Variants in FBXL17 observed in about 807,000 individuals in gnomAD.
FBXL17 encodes F-box/LRR-repeat protein 17.
FBXL17 carries 22 observed loss-of-function variants against 66.2 expected under a neutral mutation model. The observed-to-expected ratio is 0.33, with a 90% CI of 0.24 to 0.47. The LOEUF is 0.47. FBXL17 is among the 20% of genes least tolerant of loss of function. The pLI is 1.00. For missense variants in FBXL17, 878 were observed against 948.2 expected, an observed-to-expected ratio of 0.93 and a Z score of 0.97; for synonymous variants, 474 against 400.5, an observed-to-expected ratio of 1.18 and a Z score of -2.19.
chr5:108,250,308 T>C (rs1756291008), intron 4 of FBXL17, among the ~76,000 whole-genome samples: 2 of 152,144 alleles, frequency 1.3e-5, no homozygotes, highest in South Asian at 2.1e-4. Context: ...CAGAAAATCA[T>C]TCAGAAGACC....
chr5:108,273,797 GA>G (rs1757374165), intron 4 of FBXL17, among the ~76,000 whole-genome samples: 1 of 151,952 alleles, frequency 6.6e-6, no homozygotes, highest in Admixed American at 6.6e-5. Context: ...AGAGTATAAT[GA>G]ATTAAATAGA....
chr5:108,183,730 A>T (rs530435918), intron 6 of FBXL17, among the ~76,000 whole-genome samples: 12 of 152,148 alleles, frequency 7.9e-5, no homozygotes, highest in African/African-American at 2.9e-4. Context: ...GAGCCTCCTC[A>T]CTTGGAGTTC....
At position 108,214,461 on chromosome 5, in the gene FBXL17, G is replaced by T. The variant is rs1008488484; in HGVS notation, c.1614+9660C>A. 2.0e-5 allele frequency among the ~76,000 whole-genome samples: 3 copies of T among 150,454 alleles called. No individual in the cohort carries two copies. In the Admixed American group the frequency reaches 2.0e-4, roughly 10 times the overall value. ...TGGCTCACTGCAACCTCCACCTCCC[G>T]GGTTCAAGAGATTCTCCTGCCTCAG... On this transcript the variant is annotated intron_variant, in intron 5 of 8. Transcript: ENST00000542267.
intron 6 of FBXL17, among the ~76,000 whole-genome samples, chr5:108,183,773 C>T (rs954093110): frequency 5.3e-5 from 8 of 152,046 alleles, no homozygotes; most frequent in Non-Finnish European, 8.8e-5. Context: ...TATGCCATTG[C>T]GCACCAGTAG....
At chr5:107,902,412 A>T (rs183954928) in intron 7 of FBXL17, among the ~76,000 whole-genome samples, 1 of 152,196 alleles carries the variant, frequency 6.6e-6, no homozygotes, top group African/African-American at 2.4e-5. Flanking sequence ...TTTTTAAAGA[A>T]ATATTTATTA....
At chr5:108,260,473 T>G (rs984853770) in intron 4 of FBXL17, among the ~76,000 whole-genome samples, 7 of 152,046 alleles carry the variant, frequency 4.6e-5, no homozygotes, top group African/African-American at 1.7e-4. Context: ...TACAACTATC[T>G]AAACATGTAA....
At chr5:108,020,827 G>T in intron 7 of FBXL17, 98 bp downstream of exon 7, 1 of 837,066 alleles carries the variant, frequency 1.2e-6, no homozygotes, top group Non-Finnish European at 2.0e-6. Flanking sequence ...ACGATAGACA[G>T]TCTCTATGAT....
At chr5:108,218,502 A>G (rs1014257668) in intron 5 of FBXL17, among the ~76,000 whole-genome samples, 5 of 152,112 alleles carry the variant, frequency 3.3e-5, no homozygotes, top group African/African-American at 7.2e-5. Flanking sequence ...AGTCACTTCC[A>G]TACTGTGTTC....
At chr5:107,887,984 A>G (rs1749030453) in intron 7 of FBXL17, among the ~76,000 whole-genome samples, 1 of 152,150 alleles carries the variant, frequency 6.6e-6, no homozygotes, top group Admixed American at 6.5e-5. Context: ...GGTCTCTCAA[A>G]CGGTAGTTAC....
chr5:108,156,767 A>G (rs1434535664), intron 6 of FBXL17, among the ~76,000 whole-genome samples: 1 of 151,964 alleles, frequency 6.6e-6, no homozygotes, highest in East Asian at 1.9e-4. Context: ...TATATCAAAT[A>G]AAAACAAAAG....
intron 7 of FBXL17, among the ~76,000 whole-genome samples, chr5:107,986,582 A>C (rs1357382842): frequency 1.3e-5 from 2 of 151,742 alleles, no homozygotes; most frequent in African/African-American, 2.4e-5. Context: ...ACCTACTAAA[A>C]TCAAGTAAAC....
chr5:108,216,495 T>G (rs1277135848), intron 5 of FBXL17, among the ~76,000 whole-genome samples: 1 of 152,194 alleles, frequency 6.6e-6, no homozygotes. Context: ...GCATATAAAA[T>G]TATAACTTTT....
At chr5:108,077,840 C>T (rs1748613099) in intron 6 of FBXL17, among the ~76,000 whole-genome samples, 4 of 152,092 alleles carry the variant, frequency 2.6e-5, no homozygotes, top group Admixed American at 2.6e-4. Context: ...AACTTAGAAT[C>T]ACTAAGAATC....
chr5:107,997,813 C>A (rs1277243501), intron 7 of FBXL17, among the ~76,000 whole-genome samples: 1 of 152,166 alleles, frequency 6.6e-6, no homozygotes, highest in East Asian at 1.9e-4. Flanking sequence ...TAAATCAACA[C>A]CCTGAGTCAC....
At chr5:107,928,452 C>T (rs1478521225) in intron 7 of FBXL17, among the ~76,000 whole-genome samples, 3 of 151,584 alleles carry the variant, frequency 2.0e-5, no homozygotes, top group Admixed American at 2.0e-4. Flanking sequence ...AGATGACCCC[C>T]ACCCCAAATA....
chr5:108,149,624 T>C (rs776176041), intron 6 of FBXL17, among the ~76,000 whole-genome samples: 5 of 152,216 alleles, frequency 3.3e-5, no homozygotes, highest in Non-Finnish European at 7.3e-5. Flanking sequence ...ATGAAGCCTC[T>C]TCTGCTATCT....
intron 7 of FBXL17, among the ~76,000 whole-genome samples, chr5:107,985,959 T>C (rs754006663): frequency 8.5e-5 from 13 of 152,286 alleles, no homozygotes; most frequent in Non-Finnish European, 1.8e-4. Context: ...TAGTCTTCTG[T>C]AGACTATTGT....
chr5:108,260,094 G>A lies in FBXL17; in HGVS notation c.1507-35866C>T, dbSNP rs182078529. Among the ~76,000 whole-genome samples, 648 of 151,626 alleles carry A rather than the reference G, an allele frequency of 4.3e-3. 2 individuals are homozygous for A. The highest frequency in any genetic ancestry group is 5.7e-3 in the Non-Finnish European group (385 of 67,958). ...CTGCAGCCTAATTTGGGAGGAAACC[G>A]GTTGTTGGAAAACTTTTCCATGCTA... is the stretch of plus-strand genomic sequence containing the variant. On this transcript the variant is annotated intron_variant, in intron 4 of 8. Coordinates refer to ENST00000542267, the MANE Select transcript of FBXL17 (RefSeq NM_001163315.3).
intron 5 of FBXL17, among the ~76,000 whole-genome samples, chr5:108,203,536 C>A (rs1753986761): frequency 6.6e-6 from 1 of 152,112 alleles, no homozygotes; most frequent in Non-Finnish European, 1.5e-5. Context: ...TCCAAAAAAA[C>A]CCTTTCATAA....
Sources: gnomAD v4.1 joint callset for allele counts (sites outside exome capture counted in the v4.1 genomes callset) on GRCh38, gnomAD v4.1.1 for gene constraint, MANE v1.5 for transcripts, NCBI Gene and HGNC (gene_info 2026-07-23, HGNC 2026-07-21) for gene names.